Variants in PDE4D observed in about 807,000 individuals in gnomAD.
PDE4D encodes the protein 3',5'-cyclic-AMP phosphodiesterase 4D.
A neutral mutation model predicts 87.4 loss-of-function variants in PDE4D; 24 were observed. That is an observed-to-expected ratio of 0.27 (90% confidence interval 0.20 to 0.39). The LOEUF (loss-of-function observed/expected upper bound fraction) is 0.39. Ranked by LOEUF, PDE4D falls within the 10% of genes least tolerant of loss-of-function variation. The pLI is 1.00. For missense variants in PDE4D, 714 were observed against 1,041.0 expected (o/e 0.69, Z 4.32); for synonymous variants, 384 against 383.2 (o/e 1.00, Z -0.02).
chr5:59,400,590 G>A (rs1250744273), intron 1 of PDE4D, among the ~76,000 whole-genome samples: 1 of 128,964 alleles, frequency 7.8e-6, no homozygotes, highest in Non-Finnish European at 1.6e-5. Flanking sequence ...CTGTGGGGTG[G>A]GGGGAGGGGG....
chr5:60,013,102 T>G (rs1194912305), intron 2 of PDE4D, among the ~76,000 whole-genome samples: 2 of 152,170 alleles, frequency 1.3e-5, no homozygotes, highest in African/African-American at 4.8e-5. Context: ...ATATCTGGTT[T>G]AGATTCATGA....
At chr5:59,537,598 T>G (rs1815516152) in intron 1 of PDE4D, among the ~76,000 whole-genome samples, 1 of 152,184 alleles carries the variant, frequency 6.6e-6, no homozygotes. Context: ...AGAAGCTTCA[T>G]AAGTATGGAG....
rs371723606 is a variant in PDE4D at position 59,411,361 on chromosome 5, C to T, written c.456-195393G>A. 4.9e-4 allele frequency among the ~76,000 whole-genome samples: 75 copies of T among 152,140 alleles called. 1 individual carries two copies. The highest frequency in any genetic ancestry group is 1.6e-3 in the African/African-American group (68 of 41,530). The stretch of plus-strand genomic sequence containing the variant: ...CACTTTATTGTCTTCTATTCTTTAC[C>T]GTCATTTGACAAGAGGGCTTTCAAA... On this transcript the variant is annotated intron_variant, in intron 1 of 14. Coordinates refer to ENST00000340635, the MANE Select transcript of PDE4D (RefSeq NM_001104631.2).
intron 6 of PDE4D, among the ~76,000 whole-genome samples, chr5:59,034,334 G>A (rs1210074249): frequency 2.6e-5 from 4 of 152,066 alleles, no homozygotes; most frequent in Non-Finnish European, 4.4e-5. Flanking sequence ...ATATGTTAAT[G>A]TAGAAAACAA....
chr5:60,319,289 C>G (rs1425082300), intron 1 of PDE4D, among the ~76,000 whole-genome samples: 1 of 152,206 alleles, frequency 6.6e-6, no homozygotes, highest in Non-Finnish European at 1.5e-5. Context: ...GCTACTGAGG[C>G]TTGTGCATTG....
chr5:59,102,304 T>G (rs999506049), intron 5 of PDE4D, among the ~76,000 whole-genome samples: 1 of 151,956 alleles, frequency 6.6e-6, no homozygotes, highest in Non-Finnish European at 1.5e-5. Context: ...CAGGCTGGTC[T>G]CAAACTCCCG....
chr5:60,185,265 A>G (rs1000762113), intron 2 of PDE4D, among the ~76,000 whole-genome samples: 6 of 152,150 alleles, frequency 3.9e-5, no homozygotes, highest in Non-Finnish European at 8.8e-5. Flanking sequence ...TTTTAATCAT[A>G]TATTTTCTGC....
chr5:59,483,695 G>A (rs977169590), intron 1 of PDE4D, among the ~76,000 whole-genome samples: 1 of 152,086 alleles, frequency 6.6e-6, no homozygotes, highest in Non-Finnish European at 1.5e-5. Context: ...GTTCTGGATG[G>A]TACCAAAATG....
chr5:59,378,156 TA>T (rs1333030769), intron 1 of PDE4D, among the ~76,000 whole-genome samples: 2 of 152,156 alleles, frequency 1.3e-5, no homozygotes, highest in Non-Finnish European at 2.9e-5. Context: ...TGGAGGCCAT[TA>T]TCTTTAGCAA....
chr5:59,648,885 T>C (rs1338435956), intron 1 of PDE4D, among the ~76,000 whole-genome samples: 1 of 152,182 alleles, frequency 6.6e-6, no homozygotes, highest in Non-Finnish European at 1.5e-5. Context: ...AGAATATTTT[T>C]CTAAAAATGA....
chr5:59,197,077 T>C (rs1205628722), intron 2 of PDE4D, among the ~76,000 whole-genome samples: 1 of 152,180 alleles, frequency 6.6e-6, no homozygotes, highest in Non-Finnish European at 1.5e-5. Flanking sequence ...TTTATTTTTT[T>C]CAGGACTAAG....
At chr5:59,507,596 T>C (rs1376629004) in intron 1 of PDE4D, among the ~76,000 whole-genome samples, 1 of 147,108 alleles carries the variant, frequency 6.8e-6, no homozygotes, top group Non-Finnish European at 1.5e-5. Flanking sequence ...GCCCAGGAGT[T>C]TGAGGCTGCA....
chr5:59,038,167 C>G (rs1010495786), intron 6 of PDE4D, among the ~76,000 whole-genome samples: 1 of 152,170 alleles, frequency 6.6e-6, no homozygotes, highest in African/African-American at 2.4e-5. Flanking sequence ...AAGGCTGTCC[C>G]AGGCTGAAGG....
intron 3 of PDE4D, among the ~76,000 whole-genome samples, chr5:59,967,511 C>T (rs1292245131): frequency 6.6e-6 from 1 of 152,110 alleles, no homozygotes; most frequent in African/African-American, 2.4e-5. Flanking sequence ...ATGCTTACGT[C>T]ACTAATCATC....
At chr5:60,370,589 G>A (rs1050202571) in intron 1 of PDE4D, among the ~76,000 whole-genome samples, 1 of 152,140 alleles carries the variant, frequency 6.6e-6, no homozygotes, top group African/African-American at 2.4e-5. Flanking sequence ...AACGATGACT[G>A]CTAAAAGCTG....
chr5:59,873,671 C>T (rs903910359), intron 1 of PDE4D, among the ~76,000 whole-genome samples: 84 of 152,234 alleles, frequency 5.5e-4, no homozygotes, highest in African/African-American at 1.9e-3. Context: ...ATACATGTCT[C>T]TAAACCAAAA....
chr5:60,341,190 A>C (rs1310817577), intron 1 of PDE4D, among the ~76,000 whole-genome samples: 1 of 152,080 alleles, frequency 6.6e-6, no homozygotes, highest in African/African-American at 2.4e-5. Context: ...AAACTACAAA[A>C]CTCTAGAGCC....
chr5:60,166,706 C>G (rs1213175833), intron 2 of PDE4D, among the ~76,000 whole-genome samples: 2 of 152,126 alleles, frequency 1.3e-5, no homozygotes, highest in African/African-American at 4.8e-5. Context: ...TTTATTCCAG[C>G]TTGAAGAACT....
intron 1 of PDE4D, chr5:59,592,087 C>T: frequency 2.0e-5 from 20 of 978,726 alleles, no homozygotes; most frequent in Non-Finnish European, 2.2e-5. Flanking sequence ...CCAACCCCAC[C>T]TCCCAGCAAG....
Sources: allele counts gnomAD v4.1 joint callset (sites outside exome capture counted in the v4.1 genomes callset), GRCh38; gene constraint gnomAD v4.1.1; transcripts MANE v1.5; gene names NCBI Gene and HGNC (gene_info 2026-07-23, HGNC 2026-07-21).